Variants in PCNX1 observed in about 807,000 individuals in gnomAD.
The protein encoded by PCNX1 is pecanex 1, also known as pecanex-like protein 1.
A neutral mutation model predicts 242.2 loss-of-function variants in PCNX1; 78 were observed. The ratio of observed to expected loss-of-function variants is 0.32; its 90% CI spans 0.27 to 0.39. The LOEUF is 0.39. PCNX1 is among the 10% of genes least tolerant of loss of function. The probability of loss-of-function intolerance (pLI) is 1.00; values close to 1 mark genes in which losing one functional copy is unlikely to be tolerated. For missense variants in PCNX1, 2,581 were observed against 2,856.5 expected (o/e 0.90, Z 2.20); for synonymous variants, 1,024 against 1,032.9 (o/e 0.99, Z 0.17).
At chr14:70,909,526 T>C (rs977269543) in intron 1 of PCNX1, among the ~76,000 whole-genome samples, 3 of 152,164 alleles carry the variant, frequency 2.0e-5, no homozygotes, top group Non-Finnish European at 4.4e-5. Flanking sequence ...TCCAGAAGAA[T>C]TGTAGATTTA....
In PCNX1 at chr14:70,994,421, ATATATATATG is replaced by A. The variant is rs1306320069; in HGVS notation, c.2445-1316_2445-1307del. Among the ~76,000 whole-genome samples, 936 of 114,744 alleles carry A rather than the reference ATATATATATG, an allele frequency of 8.2e-3. 10 individuals carry two copies. The highest frequency in any genetic ancestry group is 0.029 in the South Asian group (92 of 3,224). 75.3% of individuals were successfully genotyped at this position (114,744 alleles called of 152,430 possible). On this transcript the variant is annotated intron_variant, in intron 7 of 35. Transcript: ENST00000304743. Reference sequence around the variant, plus strand: ...GATATATATATATATATATATATATATATATATATGTATGTATGTATGTTTCAACATAGCC... The same window carrying A: ...GATATATATATATATATATATATATATATGTATGTATGTTTCAACATAGCC...
intron 2 of PCNX1, among the ~76,000 whole-genome samples, chr14:70,948,056 C>A (rs1334386455): frequency 2.6e-5 from 4 of 152,160 alleles, no homozygotes; most frequent in Admixed American, 1.3e-4. Flanking sequence ...TGCTCTTGAA[C>A]CCTGTTTCCT....
At chr14:71,075,211 C>G (rs1200459154) in intron 27 of PCNX1, among the ~76,000 whole-genome samples, 1 of 151,908 alleles carries the variant, frequency 6.6e-6, no homozygotes, top group Non-Finnish European at 1.5e-5. Flanking sequence ...CCCAGGCTCT[C>G]AAACTCTGGG....
At chr14:71,018,324 A>G (rs2060010439) in intron 11 of PCNX1, among the ~76,000 whole-genome samples, 1 of 152,150 alleles carries the variant, frequency 6.6e-6, no homozygotes, top group African/African-American at 2.4e-5. Context: ...TGTATGAAAT[A>G]AAAATAATCT....
chr14:71,050,627 G>A, intron 22 of PCNX1, 25 bp from the exon 23 acceptor site: 15 of 1,469,442 alleles, frequency 1.0e-5, no homozygotes, highest in East Asian at 2.5e-5. Flanking sequence ...TTTTTTTACT[G>A]ACAGCCATTC....
At chr14:71,009,482 T>C in intron 8 of PCNX1, 152 bp from the exon 9 acceptor site, 1 of 436,444 alleles carries the variant, frequency 2.3e-6, no homozygotes, top group Non-Finnish European at 4.1e-6. Flanking sequence ...CACATCTTGC[T>C]GAATTACATG....
chr14:71,027,238 A>G (rs1467458818), intron 15 of PCNX1: 1 of 156,858 alleles, frequency 6.4e-6, no homozygotes, highest in African/African-American at 2.4e-5. Context: ...ATAGCATTAT[A>G]TTTGGATTTT....
In PCNX1 at chr14:71,026,208, T is replaced by A. The variant is rs961844144; in HGVS notation, c.3275T>A (p.Leu1092Gln). The change falls in exon 14 of 36, where the codon CTG (leucine) becomes CAG (glutamine). Residue 1092 changes from leucine (L) to glutamine (Q), a missense_variant. This residue lies in a region of PCNX1 where 432 missense variants were observed against 443.1 expected (regional missense o/e 0.97). Coordinates refer to ENST00000304743, the MANE Select transcript of PCNX1 (RefSeq NM_014982.3). ...CTCTTGGATTATGGTAGCAGAAACC[T>A]GACTGCAACCAAGTTCAAATTATAT... ...IWLLDYGSRN[L>Q]TATKFKLYGI... The A allele has an allele frequency of 4.3e-6, 7 of 1,611,814 alleles. No homozygotes were observed. In the African/African-American group the frequency reaches 9.3e-5, roughly 22 times the overall value.
At chr14:71,024,858 G>A (rs1446880262) in intron 13 of PCNX1, among the ~76,000 whole-genome samples, 1 of 152,138 alleles carries the variant, frequency 6.6e-6, no homozygotes, top group Non-Finnish European at 1.5e-5. Flanking sequence ...TCACATATGT[G>A]CACTGGGGAG....
At position 71,053,986 on chromosome 14, in the gene PCNX1, G is replaced by C. The variant is rs1450486232; in HGVS notation, c.4578-1518G>C. Reference sequence around the variant, plus strand: ...AAAAAAATTCACCTTCACTCACCATGTTGGCCAGGCTGGTCTCAAACTCCT... The same window carrying C: ...AAAAAAATTCACCTTCACTCACCATCTTGGCCAGGCTGGTCTCAAACTCCT... On this transcript the variant is annotated intron_variant, in intron 24 of 35. Coordinates refer to ENST00000304743, the MANE Select transcript of PCNX1 (RefSeq NM_014982.3). Among the ~76,000 whole-genome samples the C allele has an allele frequency of 2.0e-5, 3 of 152,064 alleles. No homozygotes were observed. The East Asian group carries it at 5.8e-4, about 29-fold the overall frequency.
chr14:71,087,070 A>C (rs1370827887), intron 28 of PCNX1, among the ~76,000 whole-genome samples: 4 of 152,180 alleles, frequency 2.6e-5, no homozygotes, highest in Non-Finnish European at 5.9e-5. Context: ...AGAGAAAAAG[A>C]AAAAAAGAAT....
intron 1 of PCNX1, among the ~76,000 whole-genome samples, chr14:70,943,733 G>T (rs1414657099): frequency 1.3e-5 from 2 of 152,080 alleles, no homozygotes; most frequent in African/African-American, 4.8e-5. Context: ...CTTCACGGCA[G>T]CCCCTCCCAT....
intron 24 of PCNX1, among the ~76,000 whole-genome samples, chr14:71,052,634 A>G (rs1002902306): frequency 4.6e-5 from 7 of 152,192 alleles, no homozygotes; most frequent in Non-Finnish European, 7.4e-5. Flanking sequence ...ACTTTATGCT[A>G]TATAATATCG....
intron 7 of PCNX1, among the ~76,000 whole-genome samples, chr14:70,994,396 G>GATAGATAGATAGATAGAT (rs1555357306): frequency 1.0e-5 from 1 of 96,970 alleles, no homozygotes; most frequent in African/African-American, 3.8e-5. Flanking sequence ...ACAGGCTTAA[G>GATAGATAGATAGATAGAT]ATATATATAT....
At chr14:71,071,210 T>G (rs997600390) in intron 26 of PCNX1, among the ~76,000 whole-genome samples, 1 of 152,228 alleles carries the variant, frequency 6.6e-6, no homozygotes, top group Non-Finnish European at 1.5e-5. Context: ...TGGTTTGATC[T>G]TCTCTCCAGA....
In PCNX1 at chr14:71,004,450, A is replaced by G. The variant is rs74850943; in HGVS notation, c.2630-5184A>G. 3.5e-4 allele frequency among the ~76,000 whole-genome samples: 54 copies of G among 152,318 alleles called. No individual in the cohort carries two copies. The East Asian group carries it at 9.3e-3, about 26-fold the overall frequency. ...AGCATTCAGTTTTCATAGGAGCATG[A>G]ACCCTATTGTAAACTGCACATGCAA... is the stretch of plus-strand genomic sequence containing the variant. On this transcript the variant is annotated intron_variant, in intron 8 of 35. Transcript: ENST00000304743.
chr14:70,931,163 C>A (rs779530271), intron 1 of PCNX1, among the ~76,000 whole-genome samples: 7 of 152,132 alleles, frequency 4.6e-5, no homozygotes, highest in Non-Finnish European at 8.8e-5. Flanking sequence ...AACTGAATTG[C>A]AAACACTGCA....
At chr14:70,916,624 A>T (rs1029262317) in intron 1 of PCNX1, among the ~76,000 whole-genome samples, 1 of 152,206 alleles carries the variant, frequency 6.6e-6, no homozygotes, top group Non-Finnish European at 1.5e-5. Context: ...TACCTTAATT[A>T]AAAAATACAT....
intron 30 of PCNX1, among the ~76,000 whole-genome samples, chr14:71,095,195 A>C (rs888525659): frequency 2.6e-5 from 4 of 152,174 alleles, no homozygotes; most frequent in African/African-American, 9.7e-5. Flanking sequence ...TGAGGATTAC[A>C]TAGTTATTAG....
Sources: gnomAD v4.1 joint callset for allele counts (sites outside exome capture counted in the v4.1 genomes callset) on GRCh38, gnomAD v4.1.1 for gene constraint, gnomAD v4.1.1 regional missense constraint, MANE v1.5 for transcripts, NCBI Gene and HGNC (gene_info 2026-07-23, HGNC 2026-07-21) for gene names.